PRUNE2: variants seen among roughly 807,000 people sequenced by gnomAD.
The protein encoded by PRUNE2 is protein prune homolog 2.
Under a neutral mutation model 252.0 loss-of-function variants are expected in PRUNE2, and 164 were observed. The ratio of observed to expected loss-of-function variants is 0.65; its 90% confidence interval spans 0.57 to 0.74. PRUNE2 has a LOEUF of 0.74. Among genes scored for constraint, PRUNE2 ranks in the 30% least tolerant of loss-of-function variants. The probability of loss-of-function intolerance (pLI) is 0.00; values close to 1 mark genes in which losing one functional copy is unlikely to be tolerated. For synonymous variants in PRUNE2, 1,292 were observed against 1,350.2 expected (o/e 0.96, Z 0.94); for missense variants, 3,495 against 3,711.0 (o/e 0.94, Z 1.51).
At chr9:76,789,806 T>C (rs1449801178) in intron 6 of PRUNE2, among the ~76,000 whole-genome samples, 2 of 152,126 alleles carry the variant, frequency 1.3e-5, no homozygotes, top group African/African-American at 4.8e-5. Context: ...CAACCAGGAA[T>C]TATTGTCTAC....
At chr9:76,843,909 G>A (rs2059534951) in intron 4 of PRUNE2, among the ~76,000 whole-genome samples, 3 of 151,890 alleles carry the variant, frequency 2.0e-5, no homozygotes, top group African/African-American at 7.3e-5. Context: ...TGTATTTTTA[G>A]TAGAGACGAG....
At chr9:76,641,716 G>A (rs1380442694) in intron 12 of PRUNE2, among the ~76,000 whole-genome samples, 2 of 110,688 alleles carry the variant, frequency 1.8e-5, no homozygotes, top group Non-Finnish European at 3.6e-5. Flanking sequence ...AGGTGTATGT[G>A]CTGGGTGGGG....
chr9:76,718,599 G>A (rs1015685178), intron 6 of PRUNE2, among the ~76,000 whole-genome samples: 1 of 152,104 alleles, frequency 6.6e-6, no homozygotes, highest in East Asian at 1.9e-4. Context: ...CTGCCCTTCA[G>A]TTGCCTTTGC....
chr9:76,880,069 A>G (rs1231685239), intron 1 of PRUNE2, among the ~76,000 whole-genome samples: 1 of 150,984 alleles, frequency 6.6e-6, no homozygotes, highest in African/African-American at 2.4e-5. Context: ...ACGCGCCACC[A>G]CGCCCGGCTA....
chr9:76,853,139 G>C (rs999492889), intron 2 of PRUNE2, among the ~76,000 whole-genome samples: 1 of 152,142 alleles, frequency 6.6e-6, no homozygotes, highest in African/African-American at 2.4e-5. Context: ...CAAATTTTAA[G>C]ATAAATTTGA....
chr9:76,670,315 C>T (rs1175518937), intron 9 of PRUNE2, among the ~76,000 whole-genome samples: 1 of 151,824 alleles, frequency 6.6e-6, no homozygotes, highest in Admixed American at 6.6e-5. Flanking sequence ...AATCGGGTCA[C>T]TCCCACCCAA....
chr9:76,669,120 G>A (rs1276939891), intron 9 of PRUNE2, among the ~76,000 whole-genome samples: 1 of 151,650 alleles, frequency 6.6e-6, no homozygotes, highest in Admixed American at 6.6e-5. Flanking sequence ...AACATATATG[G>A]ATTTGGAGAG....
chr9:76,811,663 C>T (rs545599016), intron 6 of PRUNE2, among the ~76,000 whole-genome samples: 1 of 152,150 alleles, frequency 6.6e-6, no homozygotes, highest in African/African-American at 2.4e-5. Context: ...TAGAAACATA[C>T]AAATTTTATT....
intron 1 of PRUNE2, among the ~76,000 whole-genome samples, chr9:76,878,903 G>C (rs2061604995): frequency 6.6e-6 from 1 of 152,152 alleles, no homozygotes; most frequent in African/African-American, 2.4e-5. Flanking sequence ...AAAATTAGGA[G>C]TTAGAAAGTA....
At chr9:76,902,326 T>C (rs776216516) in intron 1 of PRUNE2, among the ~76,000 whole-genome samples, 5 of 152,154 alleles carry the variant, frequency 3.3e-5, no homozygotes, top group Admixed American at 6.5e-5. Flanking sequence ...TCTCTTACCA[T>C]AGAAATGATG....
intron 6 of PRUNE2, among the ~76,000 whole-genome samples, chr9:76,805,860 T>C (rs1000052308): frequency 3.3e-5 from 5 of 152,212 alleles, no homozygotes; most frequent in Non-Finnish European, 7.3e-5. Context: ...TGCCACTTTC[T>C]GGTTTCAGGT....
chr9:76,810,285 G>T (rs2057269038), intron 6 of PRUNE2, among the ~76,000 whole-genome samples: 1 of 152,140 alleles, frequency 6.6e-6, no homozygotes, highest in Non-Finnish European at 1.5e-5. Flanking sequence ...ATTTCAAAGG[G>T]TAGTCATGGA....
At chr9:76,625,446 A>G (rs1186434851) in intron 16 of PRUNE2, among the ~76,000 whole-genome samples, 1 of 152,222 alleles carries the variant, frequency 6.6e-6, no homozygotes, top group Non-Finnish European at 1.5e-5. Flanking sequence ...TGTCTACACA[A>G]TGATGAAAAC....
At chr9:76,647,147 G>T (rs575370) in intron 11 of PRUNE2, among the ~76,000 whole-genome samples, 124,220 of 152,280 alleles carry the variant, frequency 0.82, 50,777 homozygotes, top group African/African-American at 0.87. Flanking sequence ...CTGCACTCCT[G>T]TCTGGGTGAC....
intron 6 of PRUNE2, among the ~76,000 whole-genome samples, chr9:76,801,794 CA>C (rs1453280332): frequency 6.6e-6 from 1 of 152,132 alleles, no homozygotes; most frequent in Non-Finnish European, 1.5e-5. Flanking sequence ...CTTGGTTAGT[CA>C]AAGCCATCAG....
At chr9:76,798,056 A>T (rs1000068255) in intron 6 of PRUNE2, among the ~76,000 whole-genome samples, 4 of 152,206 alleles carry the variant, frequency 2.6e-5, no homozygotes, top group African/African-American at 4.8e-5. Context: ...CTCTCCCATG[A>T]TTAAAGCAAC....
intron 4 of PRUNE2, 34 bp downstream of exon 4, chr9:76,846,481 C>T: frequency 1.3e-6 from 2 of 1,587,562 alleles, no homozygotes; most frequent in East Asian, 2.2e-5. Flanking sequence ...TCCATTAAGC[C>T]TTCCAGTATT....
chr9:76,766,375 C>T (rs10521472), intron 6 of PRUNE2, among the ~76,000 whole-genome samples: 12,225 of 151,956 alleles, frequency 0.08, 1,061 homozygotes, highest in African/African-American at 0.21. Flanking sequence ...TGGGAGAATA[C>T]GTTACTAATG....
At chr9:76,863,946 C>T (rs562230162) in intron 1 of PRUNE2, among the ~76,000 whole-genome samples, 5 of 152,150 alleles carry the variant, frequency 3.3e-5, no homozygotes, top group Non-Finnish European at 7.3e-5. Flanking sequence ...ACTAGATATA[C>T]ACCCAAAAGA....
Sources: allele counts gnomAD v4.1 joint callset (sites outside exome capture counted in the v4.1 genomes callset), GRCh38; gene constraint gnomAD v4.1.1; transcripts MANE v1.5; gene names NCBI Gene and HGNC (gene_info 2026-07-23, HGNC 2026-07-21).